The following SPOCK3 variants were observed in gnomAD, a reference collection of about 807,000 sequenced individuals.
The protein encoded by SPOCK3 is testican-3.
Under a neutral mutation model 56.6 loss-of-function variants are expected in SPOCK3, and 30 were observed. That is an observed-to-expected ratio of 0.53 (90% confidence interval 0.40 to 0.72). The LOEUF (loss-of-function observed/expected upper bound fraction) is 0.72. SPOCK3 is among the 30% of genes least tolerant of loss of function. SPOCK3 has a pLI of 0.00. For synonymous variants in SPOCK3, 196 were observed against 183.3 expected (o/e 1.07, Z -0.56); for missense variants, 527 against 530.0 (o/e 0.99, Z 0.06).
chr4:166,802,315 G>T (rs951830393), intron 6 of SPOCK3, among the ~76,000 whole-genome samples: 1 of 152,112 alleles, frequency 6.6e-6, no homozygotes, highest in Admixed American at 6.6e-5. Flanking sequence ...TAGCATGAAT[G>T]AAGGGAAAAG....
intron 3 of SPOCK3, among the ~76,000 whole-genome samples, chr4:167,042,550 A>G (rs530279484): frequency 1.3e-5 from 2 of 152,250 alleles, no homozygotes; most frequent in South Asian, 4.1e-4. Flanking sequence ...GTTGAGTTTC[A>G]TGAGTAGACT....
chr4:166,944,311 A>G (rs1741463099), intron 4 of SPOCK3, among the ~76,000 whole-genome samples: 1 of 152,088 alleles, frequency 6.6e-6, no homozygotes, highest in Non-Finnish European at 1.5e-5. Context: ...ATATGTCTGT[A>G]TTTCTTACAA....
intron 8 of SPOCK3, among the ~76,000 whole-genome samples, chr4:166,744,907 T>C (rs976852834): frequency 6.6e-6 from 1 of 151,790 alleles, no homozygotes; most frequent in Non-Finnish European, 1.5e-5. Flanking sequence ...ATCAAATGAA[T>C]GAAATGAAGC....
chr4:166,739,096 T>A (rs377020410), intron 9 of SPOCK3, among the ~76,000 whole-genome samples: 6 of 152,220 alleles, frequency 3.9e-5, no homozygotes, highest in Admixed American at 2.6e-4. Flanking sequence ...ACAGTGTAAA[T>A]GTGTTCCTAT....
chr4:166,777,618 CA>C (rs1188975056), intron 7 of SPOCK3, among the ~76,000 whole-genome samples: 2 of 152,104 alleles, frequency 1.3e-5, no homozygotes, highest in Non-Finnish European at 2.9e-5. Context: ...CCTACAGTCA[CA>C]GCTACTACTG....
intron 4 of SPOCK3, among the ~76,000 whole-genome samples, chr4:166,995,246 T>TGC (rs1748229656): frequency 4.6e-5 from 1 of 21,824 alleles, no homozygotes; most frequent in Non-Finnish European, 1.9e-4. Flanking sequence ...CATGTATGTA[T>TGC]GTATGTGTGT....
intron 2 of SPOCK3, among the ~76,000 whole-genome samples, chr4:167,168,131 C>T (rs1730160024): frequency 6.6e-6 from 1 of 152,154 alleles, no homozygotes; most frequent in African/African-American, 2.4e-5. Flanking sequence ...TCCATTAAAC[C>T]TCTTTCCTTT....
intron 6 of SPOCK3, among the ~76,000 whole-genome samples, chr4:166,884,531 A>G (rs1042940802): frequency 6.6e-6 from 1 of 152,148 alleles, no homozygotes; most frequent in Non-Finnish European, 1.5e-5. Flanking sequence ...ACCCAATATG[A>G]TGTTAAAAGC....
At chr4:166,895,463 C>G (rs1005911657) in intron 5 of SPOCK3, among the ~76,000 whole-genome samples, 4 of 150,492 alleles carry the variant, frequency 2.7e-5, no homozygotes, top group Admixed American at 6.6e-5. Context: ...ATGCAAGTAG[C>G]GGAAAGATTC....
intron 2 of SPOCK3, among the ~76,000 whole-genome samples, chr4:167,203,789 T>C (rs1354747509): frequency 6.6e-6 from 1 of 152,120 alleles, no homozygotes; most frequent in Non-Finnish European, 1.5e-5. Flanking sequence ...GTCACAGCTC[T>C]ACACATATGA....
chr4:167,229,597 C>T (rs1255706952), intron 2 of SPOCK3, among the ~76,000 whole-genome samples: 1 of 151,996 alleles, frequency 6.6e-6, no homozygotes, highest in Non-Finnish European at 1.5e-5. Context: ...TTAAGAACCT[C>T]ACCTTAGATG....
At chr4:167,053,960 T>C (rs886149483) in intron 3 of SPOCK3, among the ~76,000 whole-genome samples, 1 of 152,160 alleles carries the variant, frequency 6.6e-6, no homozygotes, top group Non-Finnish European at 1.5e-5. Context: ...TGTATATTGA[T>C]CTTCTTCATT....
At chr4:167,180,217 A>T (rs998058050) in intron 2 of SPOCK3, among the ~76,000 whole-genome samples, 6 of 152,108 alleles carry the variant, frequency 3.9e-5, no homozygotes, top group Non-Finnish European at 8.8e-5. Flanking sequence ...TCAGGGTCTT[A>T]AAAAAACCCT....
chr4:166,979,307 T>A (rs1369667463), intron 4 of SPOCK3, among the ~76,000 whole-genome samples: 2 of 152,054 alleles, frequency 1.3e-5, no homozygotes, highest in Non-Finnish European at 2.9e-5. Context: ...ACCATAAATC[T>A]CTCTTGCTTT....
At chr4:166,990,387 T>C (rs145347137) in intron 4 of SPOCK3, among the ~76,000 whole-genome samples, 1 of 95,360 alleles carries the variant, frequency 1.0e-5, no homozygotes, top group South Asian at 4.2e-4. Context: ...ACTTAAAGTA[T>C]AATAAAAAAA....
chr4:166,905,076 TA>T (rs1402438146), intron 5 of SPOCK3, among the ~76,000 whole-genome samples: 1 of 151,938 alleles, frequency 6.6e-6, no homozygotes, highest in East Asian at 1.9e-4. Context: ...GTAGACATTA[TA>T]AAAAAAGTCT....
chr4:166,803,019 C>T (rs912645948), intron 6 of SPOCK3, among the ~76,000 whole-genome samples: 1 of 152,112 alleles, frequency 6.6e-6, no homozygotes, highest in African/African-American at 2.4e-5. Context: ...AATCAGATAA[C>T]TTGGTCTCCA....
chr4:166,932,840 C>A (rs1447730765), intron 4 of SPOCK3, among the ~76,000 whole-genome samples: 1 of 152,058 alleles, frequency 6.6e-6, no homozygotes, highest in Non-Finnish European at 1.5e-5. Context: ...GCTTTTCTGG[C>A]AAACTAAATT....
At chr4:167,150,519 C>T (rs1764325524) in intron 2 of SPOCK3, among the ~76,000 whole-genome samples, 2 of 151,954 alleles carry the variant, frequency 1.3e-5, no homozygotes, top group South Asian at 4.2e-4. Context: ...GTGGAAGACA[C>T]AGCCAAATAT....
Sources: gnomAD v4.1 joint callset for allele counts (sites outside exome capture counted in the v4.1 genomes callset) on GRCh38, gnomAD v4.1.1 for gene constraint, MANE v1.5 for transcripts, NCBI Gene and HGNC (gene_info 2026-07-23, HGNC 2026-07-21) for gene names.